KLF8: variants seen among roughly 807,000 people sequenced by gnomAD.
The protein encoded by KLF8 is KLF transcription factor 8.
A neutral mutation model predicts 18.2 loss-of-function variants in KLF8; 10 were observed. The observed-to-expected ratio is 0.55, with a 90% CI of 0.34 to 0.93. The LOEUF is 0.93. Ranked by LOEUF, KLF8 falls within the 40% of genes least tolerant of loss-of-function variation. The pLI is 0.02. For missense variants in KLF8, 264 were observed against 277.9 expected (o/e 0.95, Z 0.36); for synonymous variants, 109 against 97.3 (o/e 1.12, Z -0.71).
At chrX:56,078,702 A>G in the KLF8 span, among the ~76,000 whole-genome samples, 4 of 111,697 alleles carry the variant, frequency 3.6e-5, no homozygotes, top group African/African-American at 6.5e-5. Context: ...GACTGGAATG[A>G]TTTCAGAAGG....
the KLF8 span, among the ~76,000 whole-genome samples, chrX:56,106,292 A>T: frequency 8.9e-6 from 1 of 111,746 alleles, no homozygotes; most frequent in Non-Finnish European, 1.9e-5. Context: ...GTTCTGATGG[A>T]TAATATTCTG....
chrX:55,991,078 G>C, the KLF8 span, among the ~76,000 whole-genome samples: 1 of 112,213 alleles, frequency 8.9e-6, no homozygotes, highest in South Asian at 3.7e-4. Context: ...TTTTTGTTTG[G>C]CTATACCCTG....
the KLF8 span, among the ~76,000 whole-genome samples, chrX:56,158,777 A>G: frequency 8.9e-6 from 1 of 111,944 alleles, no homozygotes; most frequent in African/African-American, 3.2e-5. Flanking sequence ...CAGCTTAAGG[A>G]GATTTTGGGC....
the KLF8 span, among the ~76,000 whole-genome samples, chrX:56,031,077 CTAAGTTTTCCT>C: frequency 9.0e-6 from 1 of 110,917 alleles, no homozygotes; most frequent in African/African-American, 3.3e-5. Context: ...ACACAAAGTT[CTAAGTTTTCCT>C]GGAGTCATAG....
the KLF8 span, among the ~76,000 whole-genome samples, chrX:56,027,094 T>G: frequency 2.7e-5 from 3 of 111,766 alleles, no homozygotes; most frequent in Non-Finnish European, 5.6e-5. Flanking sequence ...AGCACTACTG[T>G]GGCTCCTAGC....
At chrX:56,117,101 C>A in the KLF8 span, among the ~76,000 whole-genome samples, 1 of 110,192 alleles carries the variant, frequency 9.1e-6, no homozygotes, top group Admixed American at 9.7e-5. Context: ...CACAGCAAGA[C>A]CCCTATCTCT....
At chrX:56,133,979 A>G in the KLF8 span, among the ~76,000 whole-genome samples, 9 of 111,188 alleles carry the variant, frequency 8.1e-5, no homozygotes, top group African/African-American at 2.9e-4. Context: ...GACCTCTACA[A>G]GAAAACTACA....
At chrX:56,031,377 G>A in the KLF8 span, among the ~76,000 whole-genome samples, 1 of 112,179 alleles carries the variant, frequency 8.9e-6, no homozygotes, top group Admixed American at 9.4e-5. Flanking sequence ...CAAAAGTGCC[G>A]ATACAGGCAT....
At chrX:55,958,324 T>A in the KLF8 span, among the ~76,000 whole-genome samples, 1 of 112,032 alleles carries the variant, frequency 8.9e-6, no homozygotes, top group Non-Finnish European at 1.9e-5. Context: ...AGAAGTCAGG[T>A]AATATAAACT....
chrX:56,037,053 T>G, the KLF8 span, among the ~76,000 whole-genome samples: 1 of 112,310 alleles, frequency 8.9e-6, no homozygotes, highest in African/African-American at 3.2e-5. Flanking sequence ...TGATTTTCAC[T>G]GAAGTCTTTA....
At chrX:56,153,223 T>A in the KLF8 span, among the ~76,000 whole-genome samples, 18 of 110,873 alleles carry the variant, frequency 1.6e-4, no homozygotes, top group African/African-American at 5.6e-4. Flanking sequence ...TACCTGGGCA[T>A]GGAGGTGCAT....
the KLF8 span, among the ~76,000 whole-genome samples, chrX:56,110,337 C>A: frequency 1.8e-5 from 2 of 111,272 alleles, no homozygotes; most frequent in Non-Finnish European, 3.8e-5. Flanking sequence ...TATTTTACTT[C>A]CAAATTATTC....
At chrX:56,091,491 G>A in the KLF8 span, among the ~76,000 whole-genome samples, 1 of 110,684 alleles carries the variant, frequency 9.0e-6, no homozygotes, top group Admixed American at 9.6e-5. Context: ...GTATCTTTTT[G>A]ATATAATTAT....
chrX:56,189,242 T>C, the KLF8 span, among the ~76,000 whole-genome samples: 1 of 111,914 alleles, frequency 8.9e-6, no homozygotes, highest in Non-Finnish European at 1.9e-5. Flanking sequence ...AAAAAAGACA[T>C]TTATGCAGCC....
the KLF8 span, among the ~76,000 whole-genome samples, chrX:56,069,756 C>A: frequency 8.9e-6 from 1 of 112,176 alleles, no homozygotes; most frequent in African/African-American, 3.2e-5. Flanking sequence ...CGGCTTCCTG[C>A]CCAGCAGTCT....
the KLF8 span, among the ~76,000 whole-genome samples, chrX:56,152,634 G>A: frequency 6.3e-5 from 7 of 111,383 alleles, no homozygotes; most frequent in African/African-American, 2.3e-4. Flanking sequence ...ATAAGTGGGT[G>A]AAACTTGGGT....
chrX:56,105,359 G>A, the KLF8 span, among the ~76,000 whole-genome samples: 89 of 111,420 alleles, frequency 8.0e-4, no homozygotes, highest in African/African-American at 2.7e-3. Context: ...AAGTCTCTTT[G>A]TAGGTCTCTA....
At chrX:55,973,726 C>T in the KLF8 span, among the ~76,000 whole-genome samples, 1 of 112,109 alleles carries the variant, frequency 8.9e-6, no homozygotes, top group African/African-American at 3.2e-5. Flanking sequence ...AAAGGGAATG[C>T]TTATACACTG....
chrX:56,025,521 T>G, the KLF8 span, among the ~76,000 whole-genome samples: 1 of 112,110 alleles, frequency 8.9e-6, no homozygotes, highest in East Asian at 2.8e-4. Context: ...ATGAATATGA[T>G]TCATGGCAGA....
Sources: gnomAD v4.1 joint callset for allele counts (sites outside exome capture counted in the v4.1 genomes callset) on GRCh38, gnomAD v4.1.1 for gene constraint, MANE v1.5 for transcripts, NCBI Gene and HGNC (gene_info 2026-07-23, HGNC 2026-07-21) for gene names.